The following TMEM217B variants were observed in gnomAD, a reference collection of about 807,000 sequenced individuals.
TMEM217B encodes the protein transmembrane protein 217B.
the TMEM217B span, among the ~76,000 whole-genome samples, chr6:37,224,273 G>T: frequency 6.6e-6 from 1 of 151,284 alleles, no homozygotes; most frequent in Non-Finnish European, 1.5e-5. Flanking sequence ...GGGACCACAG[G>T]TGCATACTAC....
chr6:37,234,338 G>T, the TMEM217B span, among the ~76,000 whole-genome samples: 2 of 152,278 alleles, frequency 1.3e-5, no homozygotes, highest in African/African-American at 4.8e-5. Context: ...GACCTCAGAT[G>T]ATCCTCCTGC....
At chr6:37,221,296 C>T in the TMEM217B span, among the ~76,000 whole-genome samples, 1 of 151,798 alleles carries the variant, frequency 6.6e-6, no homozygotes, top group African/African-American at 2.4e-5. Context: ...AAGCGATTCT[C>T]GTGCCTCAGC....
chr6:37,218,068 A>T, the TMEM217B span: 3 of 1,002,602 alleles, frequency 3.0e-6, no homozygotes, highest in Non-Finnish European at 3.6e-6. Context: ...AAGTGGGGGG[A>T]AAAAAGGAAA....
At chr6:37,218,161 G>A in the TMEM217B span, 22 of 1,167,618 alleles carry the variant, frequency 1.9e-5, no homozygotes, top group African/African-American at 3.7e-4. Context: ...GGTGGATAAA[G>A]CTGCTAACTT....
At chr6:37,245,939 A>C in the TMEM217B span, among the ~76,000 whole-genome samples, 1 of 151,964 alleles carries the variant, frequency 6.6e-6, no homozygotes, top group Non-Finnish European at 1.5e-5. Context: ...AGCTGTAATC[A>C]CAGGCGTGCA....
the TMEM217B span, among the ~76,000 whole-genome samples, chr6:37,239,891 T>TAAA: frequency 2.2e-5 from 3 of 133,728 alleles, no homozygotes; most frequent in Non-Finnish European, 3.3e-5. Flanking sequence ...CCCAGCTCAT[T>TAAA]AAAAAAAAAA....
At chr6:37,238,219 A>G in the TMEM217B span, among the ~76,000 whole-genome samples, 1 of 151,948 alleles carries the variant, frequency 6.6e-6, no homozygotes, top group African/African-American at 2.4e-5. Context: ...TGCTGTGAAG[A>G]TTAAATGAGT....
At chr6:37,252,510 G>GCA in the TMEM217B span, among the ~76,000 whole-genome samples, 1 of 150,122 alleles carries the variant, frequency 6.7e-6, no homozygotes, top group Non-Finnish European at 1.5e-5. Flanking sequence ...ATATATATAT[G>GCA]CACACACACA....
At chr6:37,212,375 A>C in the TMEM217B span, 16 of 375,674 alleles carry the variant, frequency 4.3e-5, no homozygotes, top group African/African-American at 3.4e-4. Flanking sequence ...ATTGTTGAGG[A>C]ACACCATTCC....
the TMEM217B span, among the ~76,000 whole-genome samples, chr6:37,232,103 G>C: frequency 1.2e-3 from 185 of 152,140 alleles, no homozygotes; most frequent in African/African-American, 4.3e-3. Flanking sequence ...TCTTTTGTTG[G>C]GGGGGAGAGA....
chr6:37,229,335 G>T, the TMEM217B span, among the ~76,000 whole-genome samples: 36 of 74,344 alleles, frequency 4.8e-4, no homozygotes, highest in South Asian at 1.3e-3. Flanking sequence ...GCAACTTTCA[G>T]TTTTTTTTTT....
the TMEM217B span, among the ~76,000 whole-genome samples, chr6:37,219,402 A>G: frequency 2.6e-5 from 4 of 152,198 alleles, no homozygotes; most frequent in Admixed American, 2.0e-4. Flanking sequence ...TAATTTTCGT[A>G]TGTAGCCAGT....
the TMEM217B span, among the ~76,000 whole-genome samples, chr6:37,231,562 A>G: frequency 1.9e-4 from 28 of 149,010 alleles, no homozygotes; most frequent in African/African-American, 5.2e-4. Flanking sequence ...AGTCCCAGCT[A>G]TTCGGGAGGC....
chr6:37,250,702 C>T, the TMEM217B span, among the ~76,000 whole-genome samples: 11 of 152,338 alleles, frequency 7.2e-5, no homozygotes, highest in African/African-American at 1.4e-4. Flanking sequence ...TGCGTGTGCA[C>T]GCACACACAC....
At chr6:37,230,885 G>T in the TMEM217B span, among the ~76,000 whole-genome samples, 1 of 151,976 alleles carries the variant, frequency 6.6e-6, no homozygotes, top group African/African-American at 2.4e-5. Flanking sequence ...TTTGAGAAGG[G>T]TTTTAACAAT....
At chr6:37,242,872 C>G in the TMEM217B span, among the ~76,000 whole-genome samples, 2 of 152,126 alleles carry the variant, frequency 1.3e-5, no homozygotes, top group Non-Finnish European at 2.9e-5. Flanking sequence ...CAGGAGTGTG[C>G]CAGTAAGCTC....
At chr6:37,249,450 G>A in the TMEM217B span, among the ~76,000 whole-genome samples, 1 of 152,072 alleles carries the variant, frequency 6.6e-6, no homozygotes. Context: ...CTCCCAAGTA[G>A]CTGGGACTAT....
At chr6:37,235,645 C>T in the TMEM217B span, among the ~76,000 whole-genome samples, 3 of 152,262 alleles carry the variant, frequency 2.0e-5, no homozygotes, top group East Asian at 1.9e-4. Context: ...GGATTACAGG[C>T]GTGAGCCACC....
chr6:37,250,025 T>C, the TMEM217B span, among the ~76,000 whole-genome samples: 4 of 152,310 alleles, frequency 2.6e-5, no homozygotes, highest in African/African-American at 7.2e-5. Flanking sequence ...AGTAGTAGCA[T>C]AGATAAAATA....
Sources: allele counts gnomAD v4.1 joint callset (sites outside exome capture counted in the v4.1 genomes callset), GRCh38; gene constraint gnomAD v4.1.1; transcripts MANE v1.5; gene names NCBI Gene and HGNC (gene_info 2026-07-23, HGNC 2026-07-21).